CD36: variants seen among roughly 807,000 people sequenced by gnomAD.
The protein encoded by CD36 is CD36 molecule (CD36 blood group), also known as platelet glycoprotein 4.
A neutral mutation model predicts 55.2 loss-of-function variants in CD36; 119 were observed. The observed-to-expected ratio is 2.15, with a 90% CI of 1.86 to 2.51. The LOEUF (loss-of-function observed/expected upper bound fraction) is 2.51. Ranked by LOEUF, CD36 falls within the 30% of genes most tolerant of loss-of-function variation. The probability of loss-of-function intolerance (pLI) is 0.00; values close to 1 mark genes in which losing one functional copy is unlikely to be tolerated. For missense variants in CD36, 819 were observed against 555.5 expected, an observed-to-expected ratio of 1.47 and a Z score of -4.77; for synonymous variants, 186 against 193.6, an observed-to-expected ratio of 0.96 and a Z score of 0.33.
chr7:80,615,986 A>T (rs1444809669), intron 1 of CD36, among the ~76,000 whole-genome samples: 1 of 152,124 alleles, frequency 6.6e-6, no homozygotes, highest in Non-Finnish European at 1.5e-5. Context: ...ATTTGATTTT[A>T]TAGCCTTAAC....
At chr7:80,615,672 G>T (rs1037035772) in intron 1 of CD36, among the ~76,000 whole-genome samples, 1 of 152,160 alleles carries the variant, frequency 6.6e-6, no homozygotes. Context: ...GTGTTTGAAT[G>T]AATAAGTTAG....
At chr7:80,671,829 C>T in intron 10 of CD36, 93 bp from the exon 11 acceptor site, 3 of 1,143,610 alleles carry the variant, frequency 2.6e-6, no homozygotes, top group South Asian at 2.5e-5. Flanking sequence ...TTTTTTAATG[C>T]AAGAAGCTTT....
chr7:80,650,416 T>C (rs1212260874), intron 3 of CD36, among the ~76,000 whole-genome samples: 2 of 152,060 alleles, frequency 1.3e-5, no homozygotes, highest in Non-Finnish European at 2.9e-5. Context: ...TGTATATCTT[T>C]GGCATAGAGT....
intron 1 of CD36, among the ~76,000 whole-genome samples, chr7:80,645,702 A>G (rs1449999940): frequency 6.6e-6 from 1 of 152,140 alleles, no homozygotes; most frequent in Non-Finnish European, 1.5e-5. Flanking sequence ...ACTAACACAA[A>G]CTACCTAATT....
At chr7:80,673,006 C>T (rs559632697) in intron 12 of CD36, 163 bp downstream of exon 12, 1 of 633,518 alleles carries the variant, frequency 1.6e-6, no homozygotes, top group East Asian at 2.8e-5. Flanking sequence ...TGACTAATTT[C>T]ACAGATTTTG....
At chr7:80,641,738 C>T (rs1794830092) in intron 1 of CD36, among the ~76,000 whole-genome samples, 1 of 152,036 alleles carries the variant, frequency 6.6e-6, no homozygotes, top group Non-Finnish European at 1.5e-5. Context: ...CAAGGGAACA[C>T]AGCTTTATAA....
intron 13 of CD36, chr7:80,673,693 A>C: frequency 1.8e-6 from 1 of 558,610 alleles, no homozygotes; most frequent in South Asian, 2.2e-5. Flanking sequence ...CCATGCATTG[A>C]TAGCTATAAA....
intron 11 of CD36, 145 bp downstream of exon 11, chr7:80,672,185 ATTTCTT>A (rs1388581230): frequency 1.5e-6 from 1 of 663,020 alleles, no homozygotes; most frequent in Non-Finnish European, 2.5e-6. Flanking sequence ...ACTTAGGTCG[ATTTCTT>A]CCTATGGTTT....
chr7:80,602,796 A>C (rs1484839713), intron 1 of CD36, among the ~76,000 whole-genome samples: 1 of 152,138 alleles, frequency 6.6e-6, no homozygotes, highest in Non-Finnish European at 1.5e-5. Context: ...TGCTCTAAAA[A>C]TCTGGCCAAT....
intron 1 of CD36, among the ~76,000 whole-genome samples, chr7:80,627,209 A>G (rs980242122): frequency 6.6e-5 from 10 of 152,176 alleles, no homozygotes; most frequent in African/African-American, 2.2e-4. Context: ...TTTTTTCTTT[A>G]TATTTTATCC....
intron 1 of CD36, among the ~76,000 whole-genome samples, chr7:80,618,347 CTA>C (rs1793278528): frequency 6.6e-6 from 1 of 152,094 alleles, no homozygotes; most frequent in African/African-American, 2.4e-5. Context: ...TGAGACATGA[CTA>C]TATTGAAACT....
In CD36 at chr7:80,666,504, T is replaced by A; in HGVS notation, c.748+15T>A. Reference sequence around the variant, plus strand: ...TAATGGTACAGGTAAGAATATTTGTTTTGTGGTCATCACAGTTAATCCACC... The same window carrying A: ...TAATGGTACAGGTAAGAATATTTGTATTGTGGTCATCACAGTTAATCCACC... On this transcript the variant is annotated intron_variant, in intron 8 of 14. Transcript: ENST00000447544. The A allele has an allele frequency of 1.3e-6, 2 of 1,595,906 alleles. No homozygotes were observed. Among genetic ancestry groups the A allele is most frequent in the Non-Finnish European group, 8.6e-7 (1 of 1,164,054 alleles).
intron 1 of CD36, among the ~76,000 whole-genome samples, chr7:80,613,216 A>G (rs1210844637): frequency 6.6e-6 from 1 of 152,238 alleles, no homozygotes; most frequent in African/African-American, 2.4e-5. Flanking sequence ...TTATACATAT[A>G]TGCTTTTTAA....
intron 5 of CD36, among the ~76,000 whole-genome samples, chr7:80,661,639 GTGTACCAGTAGC>G (rs1796539052): frequency 6.6e-6 from 1 of 152,134 alleles, no homozygotes; most frequent in African/African-American, 2.4e-5. Context: ...TTTCCAGACA[GTGTACCAGTAGC>G]TGTACCAGTG....
In CD36 at chr7:80,614,395, C is replaced by T. The variant is rs532289385; in HGVS notation, c.-184+12016C>T. On this transcript the variant is annotated intron_variant, in intron 1 of 13. Coordinates refer to the CD36 transcript ENST00000309881. Reference sequence around the variant, plus strand: ...TCATAATGTATTTATATTTTATACACCCACTGGCCAACAAGAGAATCTATA... The same window carrying T: ...TCATAATGTATTTATATTTTATACATCCACTGGCCAACAAGAGAATCTATA... Among the ~76,000 whole-genome samples the T allele has an allele frequency of 7.9e-5, 12 of 152,218 alleles. No individual in the cohort carries two copies. In the South Asian group the frequency reaches 2.5e-3, roughly 32 times the overall value.
At chr7:80,662,041 G>A (rs923420989) in intron 5 of CD36, among the ~76,000 whole-genome samples, 1 of 152,040 alleles carries the variant, frequency 6.6e-6, no homozygotes, top group African/African-American at 2.4e-5. Flanking sequence ...AACTCTTAAG[G>A]GGCAAATATG....
At chr7:80,650,774 C>A (rs2116476331) in intron 3 of CD36, among the ~76,000 whole-genome samples, 1 of 152,026 alleles carries the variant, frequency 6.6e-6, no homozygotes, top group Middle Eastern at 3.4e-3. Flanking sequence ...GTTTAGCAAG[C>A]TTATTTGTAC....
rs771389320 is a variant in CD36 at position 80,674,090 on chromosome 7, G to A, written c.1362G>A (p.Val454=). The part of the protein sequence containing the change: ...IEMILLSVGV[V]MFVAFMISYC... ...TGATCTTACTCAGTGTTGGTGTGGTGATGTTTGTTGCTTTTATGATTTCAT... is the reference window on the plus strand; with the variant it reads ...TGATCTTACTCAGTGTTGGTGTGGTAATGTTTGTTGCTTTTATGATTTCAT... Residue 454 remains valine, a synonymous_variant, in exon 14 of 15, where the codon GTG becomes GTA. Transcript: ENST00000447544. 6 of 1,612,354 alleles carry A rather than the reference G, an allele frequency of 3.7e-6. No individual in the cohort carries two copies. The highest frequency in any genetic ancestry group is 5.1e-6 in the Non-Finnish European group (6 of 1,178,992).
chr7:80,664,573 A>G (rs1023703175), intron 7 of CD36, 76 bp downstream of exon 7: 4 of 848,590 alleles, frequency 4.7e-6, no homozygotes, highest in Non-Finnish European at 6.2e-6. Flanking sequence ...TTAACATCTC[A>G]TAAGACATAG....
Sources: allele counts gnomAD v4.1 joint callset (sites outside exome capture counted in the v4.1 genomes callset), GRCh38; gene constraint gnomAD v4.1.1; transcripts MANE v1.5; gene names NCBI Gene and HGNC (gene_info 2026-07-23, HGNC 2026-07-21).